STK10: variants seen among roughly 807,000 people sequenced by gnomAD.
The protein encoded by STK10 is serine/threonine kinase 10.
A neutral mutation model predicts 113.8 loss-of-function variants in STK10; 78 were observed. That is an observed-to-expected ratio of 0.69 (90% CI 0.57 to 0.83). STK10 has a LOEUF of 0.83. Ranked by LOEUF, STK10 falls within the 40% of genes least tolerant of loss-of-function variation. STK10 has a pLI of 0.00. For synonymous variants in STK10, 465 were observed against 494.7 expected, an observed-to-expected ratio of 0.94 and a Z score of 0.80; for missense variants, 1,109 against 1,280.1, an observed-to-expected ratio of 0.87 and a Z score of 2.04.
intron 2 of STK10, among the ~76,000 whole-genome samples, chr5:172,147,076 G>A (rs1163628320): frequency 6.6e-6 from 1 of 152,178 alleles, no homozygotes; most frequent in Non-Finnish European, 1.5e-5. Context: ...TGCTGGAACT[G>A]GCTCACAGAA....
intron 4 of STK10, chr5:172,114,473 A>ATATATTTTT (rs1226289994): frequency 1.5e-4 from 7 of 47,538 alleles, no homozygotes; most frequent in East Asian, 5.8e-4. Flanking sequence ...ATATATATAT[A>ATATATTTTT]TTTTTTTTTT....
rs1022215751 is a variant in STK10, at chr5:172,187,730, C to G, written c.156+157G>C. 3.3e-5 allele frequency among the ~76,000 whole-genome samples: 5 copies of G among 152,186 alleles called. No homozygotes were observed. The highest frequency in any genetic ancestry group is 7.2e-5 in the African/African-American group (3 of 41,452). On this transcript the variant is annotated intron_variant, in intron 1 of 18. Transcript: ENST00000176763. The surrounding 1 kb of genome is among the most constrained non-coding windows in gnomAD (Gnocchi z 4.6). ...TCGGCCGGGCCGAGTGATGTTCCCCCCAAAAAACAAGAGTCATCGGGATGA... is the reference window on the plus strand; with the variant it reads ...TCGGCCGGGCCGAGTGATGTTCCCCGCAAAAAACAAGAGTCATCGGGATGA...
intron 2 of STK10, among the ~76,000 whole-genome samples, chr5:172,152,973 G>A (rs1282649284): frequency 2.6e-5 from 4 of 152,142 alleles, no homozygotes; most frequent in African/African-American, 9.7e-5. Flanking sequence ...TCTTTTGGAT[G>A]TGGCTGTTAG....
chr5:172,085,092 A>G (rs1768521064), intron 10 of STK10, among the ~76,000 whole-genome samples: 1 of 152,046 alleles, frequency 6.6e-6, no homozygotes, highest in African/African-American at 2.4e-5. Context: ...CAAAAATACA[A>G]AAATTAGCCG....
rs761228540 is a variant in STK10 at position 172,052,943 on chromosome 5, G to A, written c.2752C>T (p.Arg918Trp). 19 of 1,613,944 alleles carry A rather than the reference G, an allele frequency of 1.2e-5. No individual in the cohort carries two copies. Among genetic ancestry groups the A allele is most frequent in the East Asian group, 8.9e-5 (4 of 44,892 alleles). The change falls in exon 18 of 19, where the codon CGG (arginine) becomes TGG (tryptophan). Residue 918 changes from arginine (R) to tryptophan (W), a missense_variant. Coordinates refer to ENST00000176763, the MANE Select transcript of STK10 (RefSeq NM_005990.4). Reference sequence around the variant, plus strand: ...GATAAAGTTACCTTCTTGCGCGGCCGAAGCTTGTCCCGCCATTCCTTCAGG... The same window carrying A: ...GATAAAGTTACCTTCTTGCGCGGCCAAAGCTTGTCCCGCCATTCCTTCAGG... ...QNLKEWRDKLRPRKKALEEDL... is the reference protein window; with the variant it reads ...QNLKEWRDKLWPRKKALEEDL...
intron 1 of STK10, among the ~76,000 whole-genome samples, chr5:172,184,323 C>G (rs971175874): frequency 1.3e-5 from 2 of 152,064 alleles, no homozygotes; most frequent in Non-Finnish European, 2.9e-5. Flanking sequence ...CAGCACCTCT[C>G]GAGTAGGCAG....
At chr5:172,072,901 G>A (rs867584521) in intron 12 of STK10, among the ~76,000 whole-genome samples, 4 of 152,206 alleles carry the variant, frequency 2.6e-5, no homozygotes, top group Non-Finnish European at 5.9e-5. Context: ...GTACTAATAA[G>A]TGAGTTTAAC....
chr5:172,160,684 C>A (rs745633593), intron 1 of STK10, among the ~76,000 whole-genome samples: 1 of 152,166 alleles, frequency 6.6e-6, no homozygotes, highest in Non-Finnish European at 1.5e-5. Context: ...CCGGAAATTC[C>A]GGCTGGCCAA....
chr5:172,163,694 G>A (rs1161366796), intron 1 of STK10, among the ~76,000 whole-genome samples: 1 of 152,122 alleles, frequency 6.6e-6, no homozygotes, highest in African/African-American at 2.4e-5. Context: ...CTATTTACTT[G>A]GCTAAATTCT....
chr5:172,155,712 G>T (rs902218547), intron 2 of STK10, among the ~76,000 whole-genome samples: 1 of 151,998 alleles, frequency 6.6e-6, no homozygotes, highest in African/African-American at 2.4e-5. Context: ...AAAATGAAGA[G>T]GACTGGGCAT....
At chr5:172,179,970 A>G (rs866775928) in intron 1 of STK10, among the ~76,000 whole-genome samples, 3 of 152,304 alleles carry the variant, frequency 2.0e-5, no homozygotes, top group Admixed American at 1.3e-4. Flanking sequence ...CATCACTCCT[A>G]AAGCCAGCAC....
chr5:172,183,310 T>C (rs185971827), intron 1 of STK10, among the ~76,000 whole-genome samples: 15 of 152,346 alleles, frequency 9.8e-5, no homozygotes, highest in Admixed American at 2.6e-4. Context: ...AGTACCTGTG[T>C]TGCCTGCTGC....
intron 15 of STK10, chr5:172,056,992 A>AG (rs1262294510): frequency 1.0e-4 from 10 of 99,684 alleles, no homozygotes; most frequent in African/African-American, 4.0e-4. Flanking sequence ...AGAAAGAAAG[A>AG]AAGAGAAAGA....
chr5:172,153,842 T>G (rs941294574), intron 2 of STK10, among the ~76,000 whole-genome samples: 1 of 152,240 alleles, frequency 6.6e-6, no homozygotes, highest in African/African-American at 2.4e-5. Flanking sequence ...CTACTTTGAC[T>G]GTTCTTCCTT....
In STK10 at chr5:172,082,248, T is replaced by G; in HGVS notation, c.1989+78A>C. On this transcript the variant is annotated intron_variant, in intron 12 of 18. Transcript: ENST00000176763. The surrounding 1 kb of genome is among the most constrained non-coding windows in gnomAD (Gnocchi z 4.3). ...GTACCCCTCTGCTGCCAAGGTGAGG[T>G]TGAGGCCACGATCACTTGCAACCAA... The G allele has an allele frequency of 7.0e-7, 1 of 1,423,254 alleles. No individual in the cohort carries two copies. Among genetic ancestry groups the G allele is most frequent in the Non-Finnish European group, 9.2e-7 (1 of 1,083,290 alleles). The allele number at this position is 1,423,254 out of a possible 1,614,324, so 88.2% of individuals were successfully genotyped here.
intron 18 of STK10, among the ~76,000 whole-genome samples, chr5:172,047,995 C>T (rs568852421): frequency 4.4e-4 from 67 of 151,330 alleles, no homozygotes; most frequent in Non-Finnish European, 7.4e-4. Flanking sequence ...CTCCGCCTCC[C>T]GGGTTCAAGC....
In STK10 at chr5:172,188,024, G is replaced by T. The variant is rs1256565912; in HGVS notation, c.19C>A (p.Arg7Ser). MAFANF[R>S]RILRLSTFEK... ...AAGGTAGACAGGCGCAGGATGCGGC[G>T]GAAATTGGCAAAAGCCATGGCCGGG... The change falls in exon 1 of 19, where the codon CGC (arginine) becomes AGC (serine). Residue 7 changes from arginine to serine, a missense_variant. Coordinates refer to ENST00000176763, the MANE Select transcript of STK10 (RefSeq NM_005990.4). This position sits in a 1 kb window ranked among gnomAD's most constrained non-coding sequence, Gnocchi z 5.6. 2.7e-5 allele frequency: 44 copies of T among 1,612,880 alleles called. No individual in the cohort carries two copies. Among genetic ancestry groups the T allele is most frequent in the Non-Finnish European group, 3.7e-5 (44 of 1,179,650 alleles).
chr5:172,118,948 G>A (rs1769445297), intron 3 of STK10, among the ~76,000 whole-genome samples: 1 of 150,698 alleles, frequency 6.6e-6, no homozygotes, highest in Non-Finnish European at 1.5e-5. Flanking sequence ...TCAGCATGAG[G>A]AAGCTTTTTC....
chr5:172,097,774 C>T (rs995617476), intron 7 of STK10, among the ~76,000 whole-genome samples: 4 of 152,134 alleles, frequency 2.6e-5, no homozygotes. Flanking sequence ...AAAGGAAATA[C>T]AAGATCTTGA....
Sources: allele counts gnomAD v4.1 joint callset (sites outside exome capture counted in the v4.1 genomes callset), GRCh38; gene constraint gnomAD v4.1.1; non-coding constraint Gnocchi (gnomAD v3.1); transcripts MANE v1.5; gene names NCBI Gene and HGNC (gene_info 2026-07-23, HGNC 2026-07-21).